The following CCDC14 variants were observed in gnomAD, a reference collection of about 807,000 sequenced individuals.
The protein encoded by CCDC14 is coiled-coil domain-containing protein 14.
A neutral mutation model predicts 81.4 loss-of-function variants in CCDC14; 71 were observed. The ratio of observed to expected loss-of-function variants is 0.87; its 90% CI spans 0.72 to 1.06. The LOEUF (loss-of-function observed/expected upper bound fraction) is 1.06, where lower values mean the gene tolerates loss of function less well. Ranked by LOEUF, CCDC14 falls within the 50% of genes least tolerant of loss-of-function variation. The pLI is 0.00. For synonymous variants in CCDC14, 332 were observed against 364.8 expected (o/e 0.91, Z 1.03); for missense variants, 1,046 against 1,047.3 (o/e 1.00, Z 0.02).
At chr3:123,932,194 C>T (rs1248201139) in intron 10 of CCDC14, among the ~76,000 whole-genome samples, 1 of 152,066 alleles carries the variant, frequency 6.6e-6, no homozygotes, top group African/African-American at 2.4e-5. Flanking sequence ...TGATAACAAA[C>T]AAGTAATTAT....
intron 5 of CCDC14, among the ~76,000 whole-genome samples, chr3:123,951,429 G>T (rs1212939503): frequency 6.6e-6 from 1 of 152,074 alleles, no homozygotes; most frequent in Non-Finnish European, 1.5e-5. Context: ...AACAAAACTG[G>T]TTAATAAACT....
chr3:123,959,160 G>A (rs540827525), intron 1 of CCDC14, among the ~76,000 whole-genome samples: 2 of 152,174 alleles, frequency 1.3e-5, no homozygotes, highest in Non-Finnish European at 2.9e-5. Context: ...TAAATTCCCA[G>A]AAGTAGAATT....
chr3:123,948,132 T>C (rs1181160266), intron 7 of CCDC14, among the ~76,000 whole-genome samples: 1 of 152,128 alleles, frequency 6.6e-6, no homozygotes, highest in Non-Finnish European at 1.5e-5. Flanking sequence ...CAACAGCAGT[T>C]GTACTTGGGT....
chr3:123,900,573 G>A lies in CCDC14; in HGVS notation c.668-2960C>T, dbSNP rs72962724. ...AATTCCAGCGACTGGACGTTCTATC[G>A]GGAAAGTTCTTTCTTATGTTTACAT... On this transcript the variant is annotated intron_variant, in intron 5 of 5. Transcript: ENST00000479903. 8.4e-3 allele frequency among the ~76,000 whole-genome samples: 1,276 copies of A among 152,220 alleles called. 13 individuals are homozygous for A. The highest frequency in any genetic ancestry group is 0.027 in the African/African-American group (1,139 of 41,532).
chr3:123,958,544 A>G (rs2037480100), intron 1 of CCDC14: 1 of 151,914 alleles, frequency 6.6e-6, no homozygotes, highest in South Asian at 2.1e-4. Context: ...GAACCTTGAC[A>G]TTTTCCATAT....
chr3:123,931,241 C>T lies in CCDC14; in HGVS notation c.1646-7G>A. The T allele has an allele frequency of 6.3e-7, 1 of 1,596,362 alleles. No individual in the cohort carries two copies. The highest frequency in any genetic ancestry group is 8.5e-7 in the Non-Finnish European group (1 of 1,174,452). On this transcript the variant is annotated splice_polypyrimidine_tract_variant and splice_region_variant and intron_variant, in intron 11 of 12. Coordinates refer to ENST00000409697, the MANE Select transcript of CCDC14 (RefSeq NM_001366335.1). ...ACTAGGGCTTCCTCCAATTCTAAAA[C>T]AACAAAAGTTTCAGTTTCCTTATTC...
chr3:123,907,546 C>CA (rs1387020348), intron 5 of CCDC14, among the ~76,000 whole-genome samples: 61 of 149,282 alleles, frequency 4.1e-4, no homozygotes, highest in Middle Eastern at 3.4e-3. Context: ...TGTCTCCACA[C>CA]AAAAAAAAAA....
intron 5 of CCDC14, chr3:123,953,989 G>A (rs1268942370): frequency 1.3e-5 from 2 of 152,282 alleles, no homozygotes; most frequent in Admixed American, 1.3e-4. Context: ...CAATTTGAGT[G>A]TTGCCATCTG....
intron 12 of CCDC14, among the ~76,000 whole-genome samples, chr3:123,917,652 A>AT (rs56023403): frequency 0.7 from 105,881 of 150,254 alleles, 37,495 homozygotes; most frequent in Middle Eastern, 0.82. Flanking sequence ...TTTAAAAATG[A>AT]TTTTTTTTTT....
intron 12 of CCDC14, among the ~76,000 whole-genome samples, chr3:123,918,050 A>G (rs944796406): frequency 2.0e-5 from 3 of 152,222 alleles, no homozygotes; most frequent in Non-Finnish European, 2.9e-5. Flanking sequence ...TGTTCATTAC[A>G]TAAGGTTATA....
intron 9 of CCDC14, among the ~76,000 whole-genome samples, chr3:123,942,895 T>TG (rs2036424681): frequency 6.6e-6 from 1 of 152,072 alleles, no homozygotes; most frequent in East Asian, 1.9e-4. Context: ...AAGAATGTAA[T>TG]TCCAACAAGT....
At chr3:123,937,277 G>T (rs929027745) in intron 9 of CCDC14, among the ~76,000 whole-genome samples, 1 of 152,044 alleles carries the variant, frequency 6.6e-6, no homozygotes, top group Non-Finnish European at 1.5e-5. Context: ...TTTCCAAAGT[G>T]TTCAAATTAT....
At position 123,916,953 on chromosome 3, in the gene CCDC14, T is replaced by A. The variant is rs955687411; in HGVS notation, c.1779-1235A>T. 2.6e-5 allele frequency among the ~76,000 whole-genome samples: 4 copies of A among 151,950 alleles called. No homozygotes were observed. In the South Asian group the frequency reaches 8.3e-4, roughly 32 times the overall value. On this transcript the variant is annotated intron_variant, in intron 12 of 12. Transcript: ENST00000409697. ...GCCTTCTGGGTTCATGCCATTCTCC[T>A]GCCTCAGCCTCTTGAGTAGCTGGGA...
At chr3:123,952,308 C>G (rs1344003091) in intron 5 of CCDC14, among the ~76,000 whole-genome samples, 1 of 152,076 alleles carries the variant, frequency 6.6e-6, no homozygotes, top group Non-Finnish European at 1.5e-5. Context: ...CACTAGATGC[C>G]TACTATAATT....
chr3:123,912,144 T>C (rs2034462929), downstream of CCDC14, among the ~76,000 whole-genome samples: 1 of 152,166 alleles, frequency 6.6e-6, no homozygotes, highest in African/African-American at 2.4e-5. Context: ...AGTGACAAAA[T>C]GCTAGAGGAT....
chr3:123,913,965 G>GA lies in CCDC14; in HGVS notation c.*813dup, dbSNP rs756345894. ...AATATTCTCAGCTAACATGCTGGGA[G>GA]AAAAAATTCTTCCAAAAAGGCAGAA... On this transcript the variant is annotated 3_prime_UTR_variant, in exon 13 of 13. Transcript: ENST00000409697. 1.0e-4 allele frequency: 101 copies of GA among 985,346 alleles called. 1 individual carries two copies. The East Asian group carries it at 2.4e-3, about 23-fold the overall frequency. 61.0% of individuals were successfully genotyped at this position (985,346 alleles called of 1,614,324 possible).
the CCDC14 span, among the ~76,000 whole-genome samples, chr3:123,886,412 T>G: frequency 6.6e-6 from 1 of 150,598 alleles, no homozygotes; most frequent in Non-Finnish European, 1.5e-5. Context: ...TTCTTTCTTT[T>G]CTTTCAGATG....
intron 5 of CCDC14, among the ~76,000 whole-genome samples, chr3:123,951,778 T>C (rs1336540740): frequency 1.3e-5 from 2 of 152,208 alleles, no homozygotes; most frequent in Non-Finnish European, 2.9e-5. Flanking sequence ...CCAGCAGATG[T>C]CATCAACTAA....
chr3:123,894,976 A>G (rs983580933), downstream of CCDC14, among the ~76,000 whole-genome samples: 4 of 152,234 alleles, frequency 2.6e-5, no homozygotes, highest in Admixed American at 2.6e-4. Flanking sequence ...AAATACCTGA[A>G]GAAGACCATG....
Sources: gnomAD v4.1 joint callset for allele counts (sites outside exome capture counted in the v4.1 genomes callset) on GRCh38, gnomAD v4.1.1 for gene constraint, MANE v1.5 for transcripts, NCBI Gene and HGNC (gene_info 2026-07-23, HGNC 2026-07-21) for gene names.